The following NRL variants were observed in gnomAD, a reference collection of about 807,000 sequenced individuals.
The protein encoded by NRL is neural retina leucine zipper.
In NRL, 16 loss-of-function variants were observed where a neutral mutation model predicts 12.5. The observed-to-expected ratio is 1.28, with a 90% CI of 0.87 to 1.95. The LOEUF is 1.95. NRL is among the 30% of genes most tolerant of loss of function. NRL has a pLI of 0.00. For missense variants in NRL, 314 were observed against 325.8 expected, an observed-to-expected ratio of 0.96 and a Z score of 0.28; for synonymous variants, 142 against 150.9, an observed-to-expected ratio of 0.94 and a Z score of 0.43.
intron 1 of NRL, among the ~76,000 whole-genome samples, chr14:24,083,941 G>C (rs1185966927): frequency 6.6e-6 from 1 of 152,168 alleles, no homozygotes; most frequent in African/African-American, 2.4e-5. Flanking sequence ...ACTTCTGGCT[G>C]GGTGACCTCA....
chr14:24,114,662 G>C, intron 1 of NRL, 60 bp downstream of exon 1: 1 of 984,966 alleles, frequency 1.0e-6, no homozygotes, highest in Non-Finnish European at 1.2e-6. Context: ...AGAGCTAACA[G>C]CCCTCCTTGG....
rs982092446 is a variant in NRL at position 24,082,927 on chromosome 14, T to C, written c.-27-52A>G. 58 of 1,517,578 alleles carry C rather than the reference T, an allele frequency of 3.8e-5. No individual in the cohort carries two copies. The African/African-American group carries it at 7.7e-4, about 20-fold the overall frequency. The allele number at this position is 1,517,578 out of a possible 1,614,324, so 94.0% of individuals were successfully genotyped here. A position where few individuals can be genotyped will look rare whatever the true frequency, so the allele number is the denominator to read the frequency against. On this transcript the variant is annotated intron_variant, in intron 1 of 2. Coordinates refer to ENST00000561028, the MANE Select transcript of NRL (RefSeq NM_001354768.3). ...CACATGGAGGCCACCTGCCATCCCC[T>C]CTTCACCAAGTCCCTCTTCCCTCAA...
rs373612080 is a variant in NRL, at chr14:24,081,533, C to T, written c.417G>A (p.Ser139=). ...AERFSDAALV[S]MSVRELNRQL... The stretch of plus-strand genomic sequence containing the variant: ...GCCGGTTTAGCTCCCGCACAGACAT[C>T]GAGACCAGCGCCGCGTCGGAAAACC... The change falls in exon 3 of 3, where the codon TCG becomes TCA. Residue 139 remains serine (S), a synonymous_variant. Coordinates refer to ENST00000561028, the MANE Select transcript of NRL (RefSeq NM_001354768.3). This position sits in a 1 kb window ranked among gnomAD's most constrained non-coding sequence, Gnocchi z 4.4. 4.7e-5 allele frequency: 75 copies of T among 1,604,124 alleles called. No homozygotes were observed. Among genetic ancestry groups the T allele is most frequent in the Non-Finnish European group, 5.9e-5 (70 of 1,176,738 alleles).
intron 1 of NRL, chr14:24,099,822 G>A: frequency 6.6e-7 from 1 of 1,511,670 alleles, no homozygotes; most frequent in Non-Finnish European, 9.2e-7. Flanking sequence ...AAAGTTTCCT[G>A]AACACCCAAC....
At chr14:24,107,517 T>G (rs1028567268) in intron 1 of NRL, among the ~76,000 whole-genome samples, 1 of 150,780 alleles carries the variant, frequency 6.6e-6, no homozygotes, top group African/African-American at 2.4e-5. Flanking sequence ...CCTGCCATAG[T>G]GGATACTATG....
chr14:24,082,758 G>A lies in NRL; in HGVS notation c.91C>T (p.Arg31Ter), dbSNP rs762991211. 8 of 1,614,194 alleles carry A rather than the reference G, an allele frequency of 5.0e-6. No homozygotes were observed. Among genetic ancestry groups the A allele is most frequent in the Non-Finnish European group, 5.1e-6 (6 of 1,180,028 alleles). The stretch of plus-strand genomic sequence containing the variant: ...AGTGAGGCTGTAGGGGGGCCAGGTC[G>A]GCCCTCAGAGGGTTCCCGCTTTACC... ...FEVKREPSEGRPGPPTASLGS... is the reference protein window; with the variant it reads ...FEVKREPSEG The change falls in exon 2 of 3, where the codon CGA (arginine) becomes TGA (stop). Residue 31 changes from arginine (R) to a stop codon, truncating the protein, a stop_gained. Coordinates refer to ENST00000561028, the MANE Select transcript of NRL (RefSeq NM_001354768.3). LOFTEE classifies it high-confidence loss of function.
chr14:24,106,869 C>A (rs2037347362), intron 1 of NRL, among the ~76,000 whole-genome samples: 1 of 152,124 alleles, frequency 6.6e-6, no homozygotes, highest in South Asian at 2.1e-4. Flanking sequence ...AGACTTGAGC[C>A]AGAGGTGCCT....
chr14:24,099,480 C>A, intron 1 of NRL: 1 of 1,363,212 alleles, frequency 7.3e-7, no homozygotes, highest in African/African-American at 1.5e-5. Context: ...CTATTAGACC[C>A]TAGCTGCCCT....
intron 1 of NRL, among the ~76,000 whole-genome samples, chr14:24,090,949 T>C (rs2036610560): frequency 1.3e-5 from 2 of 152,194 alleles, no homozygotes; most frequent in Admixed American, 1.3e-4. Context: ...ATAGGCCAGG[T>C]ACTGCTGGGA....
intron 1 of NRL, among the ~76,000 whole-genome samples, chr14:24,101,115 T>C (rs542351980): frequency 6.6e-6 from 1 of 152,214 alleles, no homozygotes; most frequent in South Asian, 2.1e-4. Flanking sequence ...AACACCATCA[T>C]TAAGCCCCCC....
At chr14:24,098,410 G>T (rs773809438) in intron 1 of NRL, 1 of 1,611,526 alleles carries the variant, frequency 6.2e-7, no homozygotes, top group Non-Finnish European at 8.5e-7. Context: ...GGGGCACAGT[G>T]GCAAGGGCAC....
chr14:24,091,292 C>A (rs920838348), intron 1 of NRL, among the ~76,000 whole-genome samples: 2 of 152,102 alleles, frequency 1.3e-5, no homozygotes, highest in Non-Finnish European at 2.9e-5. Context: ...CTGGGACTAC[C>A]GGCGTGCGCC....
chr14:24,100,002 C>G (rs2037092062), intron 1 of NRL: 3 of 1,614,196 alleles, frequency 1.9e-6, no homozygotes, highest in Non-Finnish European at 2.5e-6. Flanking sequence ...CAGGTCGACT[C>G]CGGGCCATCA....
rs1162403118 is a variant in NRL at position 24,081,154 on chromosome 14, C to A, written c.*82G>T. 4.0e-6 allele frequency: 4 copies of A among 1,009,228 alleles called. No homozygotes were observed. Among genetic ancestry groups the A allele is most frequent in the Non-Finnish European group, 3.9e-6 (3 of 765,124 alleles). The allele number at this position is 1,009,228 out of a possible 1,614,324, so 62.5% of individuals were successfully genotyped here. ...CTAGGACCAGAAGGCGCTCTGGTAACGATGCAGAGAACCGTGCAGCCGCCT... is the reference window on the plus strand; with the variant it reads ...CTAGGACCAGAAGGCGCTCTGGTAAAGATGCAGAGAACCGTGCAGCCGCCT... On this transcript the variant is annotated 3_prime_UTR_variant, in exon 3 of 3. Coordinates refer to ENST00000561028, the MANE Select transcript of NRL (RefSeq NM_001354768.3). The surrounding 1 kb of genome is among the most constrained non-coding windows in gnomAD (Gnocchi z 4.4).
In NRL at chr14:24,114,725, T is replaced by A. The variant is rs1331405489; in HGVS notation, c.-31A>T. On this transcript the variant is annotated 5_prime_UTR_variant, in exon 1 of 3. Transcript: ENST00000561028. The stretch of plus-strand genomic sequence containing the variant: ...CCTCGCGCATTCTCCCGCCTACCTA[T>A]CAATCATCGTGCTCCGCTGTCCAGT... 4.1e-6 allele frequency: 4 copies of A among 985,868 alleles called. No individual in the cohort carries two copies. Among genetic ancestry groups the A allele is most frequent in the African/African-American group, 1.7e-5 (1 of 57,248 alleles). The allele number at this position is 985,868 out of a possible 1,614,324, so 61.1% of individuals were successfully genotyped here.
intron 1 of NRL, chr14:24,114,375 AG>A (rs924597922): frequency 1.0e-4 from 16 of 152,420 alleles, no homozygotes; most frequent in African/African-American, 3.6e-4. Flanking sequence ...GGCACCCCTT[AG>A]GGCAGAACCG....
chr14:24,098,657 G>C, intron 1 of NRL: 1 of 1,613,858 alleles, frequency 6.2e-7, no homozygotes, highest in Non-Finnish European at 8.5e-7. Flanking sequence ...GCACTCCGTG[G>C]GCCAGCCCCT....
At chr14:24,113,394 T>G (rs926139047) in intron 1 of NRL, among the ~76,000 whole-genome samples, 1 of 151,902 alleles carries the variant, frequency 6.6e-6, no homozygotes, top group South Asian at 2.1e-4. Context: ...AAAAAAATGA[T>G]TCCGTCACAT....
At chr14:24,099,821 T>A (rs1370357811) in intron 1 of NRL, 1 of 1,510,456 alleles carries the variant, frequency 6.6e-7, no homozygotes, top group Admixed American at 1.7e-5. Context: ...GAAAGTTTCC[T>A]GAACACCCAA....
Sources: gnomAD v4.1 joint callset for allele counts (sites outside exome capture counted in the v4.1 genomes callset) on GRCh38, gnomAD v4.1.1 for gene constraint, Gnocchi (gnomAD v3.1) non-coding constraint, MANE v1.5 for transcripts, NCBI Gene and HGNC (gene_info 2026-07-23, HGNC 2026-07-21) for gene names.